Variants in ADCY8 observed in about 807,000 individuals in gnomAD.
ADCY8 encodes adenylate cyclase 8, also known as adenylate cyclase type 8.
ADCY8 carries 51 observed loss-of-function variants against 119.7 expected under a neutral mutation model. The observed-to-expected ratio is 0.43, with a 90% confidence interval of 0.34 to 0.54. The LOEUF (loss-of-function observed/expected upper bound fraction) is 0.54, where lower values mean the gene tolerates loss of function less well. Among genes scored for constraint, ADCY8 ranks in the 20% least tolerant of loss-of-function variants. ADCY8 has a pLI of 0.03. For synonymous variants in ADCY8, 665 were observed against 651.0 expected (o/e 1.02, Z -0.33); for missense variants, 1,383 against 1,598.8 (o/e 0.87, Z 2.30).
chr8:130,957,456 G>T lies in ADCY8; in HGVS notation c.1111-5458C>A, dbSNP rs191816701. Among the ~76,000 whole-genome samples, 40 of 152,296 alleles carry T rather than the reference G, an allele frequency of 2.6e-4. No individual in the cohort carries two copies. In the Middle Eastern group the frequency reaches 0.01, roughly 39 times the overall value. On this transcript the variant is annotated intron_variant, in intron 2 of 17. Coordinates refer to ENST00000286355, the MANE Select transcript of ADCY8 (RefSeq NM_001115.3). ...AAGGGAAGCAGAGCATAAAAGTTTG[G>T]AAAATTTGCAACTTGACGATGTGAT...
rs1337510315 is a variant in ADCY8, at chr8:130,840,015, T to C, written c.2503-3566A>G. On this transcript the variant is annotated intron_variant, in intron 11 of 17. Coordinates refer to ENST00000286355, the MANE Select transcript of ADCY8 (RefSeq NM_001115.3). The stretch of plus-strand genomic sequence containing the variant: ...TATACCCAATAAACTTAGCAAGATA[T>C]AAAAGTTGGACAACATTGTCTAGTT... Among the ~76,000 whole-genome samples the C allele has an allele frequency of 2.9e-5, 4 of 140,050 alleles. 2 individuals are homozygous for C. The highest frequency in any genetic ancestry group is 6.5e-5 in the Non-Finnish European group (4 of 61,944). The allele number at this position is 140,050 out of a possible 152,430, so 91.9% of individuals were successfully genotyped here. A position where few individuals can be genotyped will look rare whatever the true frequency, so the allele number is the denominator to read the frequency against.
chr8:130,791,065 C>T (rs1815409350), intron 15 of ADCY8, among the ~76,000 whole-genome samples: 3 of 152,206 alleles, frequency 2.0e-5, no homozygotes, highest in East Asian at 1.9e-4. Context: ...GGTTGGGTCT[C>T]CTCTGCTTTT....
At chr8:131,013,405 A>G (rs1823372563) in intron 1 of ADCY8, among the ~76,000 whole-genome samples, 1 of 152,176 alleles carries the variant, frequency 6.6e-6, no homozygotes, top group Non-Finnish European at 1.5e-5. Flanking sequence ...CTTTATGACC[A>G]AGCTTAAATT....
intron 4 of ADCY8, among the ~76,000 whole-genome samples, chr8:130,937,968 C>A: frequency 6.6e-6 from 1 of 152,220 alleles, no homozygotes; most frequent in African/African-American, 2.4e-5. Flanking sequence ...CTTAAAGACA[C>A]AACTCTTACA....
At chr8:130,800,342 A>T in intron 15 of ADCY8, 84 bp downstream of exon 15, 1 of 1,542,610 alleles carries the variant, frequency 6.5e-7, no homozygotes, top group Non-Finnish European at 8.8e-7. Flanking sequence ...AAAAAAAAAA[A>T]ATAAGTAATT....
In ADCY8 at chr8:130,803,938, G is replaced by A. The variant is rs188582665; in HGVS notation, c.2914-3366C>T. ...AGGCAGCTGATGACTGGCTAGGTAGGGCTGGGCAGGGTAGAAAGAGTGCAG... is the reference window on the plus strand; with the variant it reads ...AGGCAGCTGATGACTGGCTAGGTAGAGCTGGGCAGGGTAGAAAGAGTGCAG... On this transcript the variant is annotated intron_variant, in intron 14 of 17. Coordinates refer to ENST00000286355, the MANE Select transcript of ADCY8 (RefSeq NM_001115.3). 2.1e-4 allele frequency among the ~76,000 whole-genome samples: 32 copies of A among 152,328 alleles called. No individual in the cohort carries two copies. The East Asian group carries it at 6.0e-3, about 28-fold the overall frequency.
intron 1 of ADCY8, among the ~76,000 whole-genome samples, chr8:130,993,038 T>C (rs1822650295): frequency 6.6e-6 from 1 of 152,188 alleles, no homozygotes; most frequent in African/African-American, 2.4e-5. Flanking sequence ...TCTTCAGTTA[T>C]GATAAAGATT....
rs890511167 is a variant in ADCY8, at chr8:131,027,893, G to A, written c.960+11481C>T. On this transcript the variant is annotated intron_variant, in intron 1 of 17. Coordinates refer to ENST00000286355, the MANE Select transcript of ADCY8 (RefSeq NM_001115.3). ...TGAAAAACAAGACCTGGAGGAACCT[G>A]AGAAAGAAGAGTATGTAACCAGCAC... Among the ~76,000 whole-genome samples, 11 of 152,332 alleles carry A rather than the reference G, an allele frequency of 7.2e-5. No individual in the cohort carries two copies. In the East Asian group the frequency reaches 1.2e-3, roughly 16 times the overall value.
intron 13 of ADCY8, among the ~76,000 whole-genome samples, chr8:130,820,233 T>A (rs187815): frequency 0.83 from 126,406 of 152,102 alleles, 52,611 homozygotes; most frequent in East Asian, 0.91. Context: ...ATAACTTTAA[T>A]TATGTGTCTC....
intron 1 of ADCY8, among the ~76,000 whole-genome samples, chr8:131,008,600 G>A (rs1823200008): frequency 6.6e-6 from 1 of 152,156 alleles, no homozygotes; most frequent in African/African-American, 2.4e-5. Context: ...TCATAGTAGT[G>A]TGAGAACAGA....
chr8:130,985,974 A>AT (rs1822390924), intron 2 of ADCY8, among the ~76,000 whole-genome samples: 1 of 152,242 alleles, frequency 6.6e-6, no homozygotes, highest in African/African-American at 2.4e-5. Flanking sequence ...CATGATTACC[A>AT]TAAGGAGGTT....
intron 9 of ADCY8, among the ~76,000 whole-genome samples, chr8:130,852,766 G>C (rs895405123): frequency 9.2e-5 from 14 of 151,884 alleles, no homozygotes; most frequent in Admixed American, 3.3e-4. Flanking sequence ...GCACCCCATG[G>C]TCTGGACAAT....
At chr8:130,885,404 T>C (rs1017191964) in intron 7 of ADCY8, among the ~76,000 whole-genome samples, 6 of 152,084 alleles carry the variant, frequency 3.9e-5, no homozygotes, top group African/African-American at 1.4e-4. Context: ...AGGTAAAAAA[T>C]GCAAGCAACT....
intron 8 of ADCY8, among the ~76,000 whole-genome samples, chr8:130,879,020 A>C (rs1818667128): frequency 6.6e-6 from 1 of 152,198 alleles, no homozygotes; most frequent in African/African-American, 2.4e-5. Flanking sequence ...TAATGAAATA[A>C]TTCCAAATAA....
At chr8:131,032,850 C>G (rs1824036962) in intron 1 of ADCY8, among the ~76,000 whole-genome samples, 1 of 152,164 alleles carries the variant, frequency 6.6e-6, no homozygotes, top group South Asian at 2.1e-4. Flanking sequence ...TTGTGGCTGG[C>G]TGAAGCAGCA....
At chr8:130,883,569 TC>T (rs1818861851) in intron 8 of ADCY8, among the ~76,000 whole-genome samples, 1 of 152,104 alleles carries the variant, frequency 6.6e-6, no homozygotes, top group South Asian at 2.1e-4. Flanking sequence ...GGAAAGCAAA[TC>T]TCCCAGGCAG....
chr8:130,798,800 C>T (rs1165438063), intron 15 of ADCY8, among the ~76,000 whole-genome samples: 1 of 152,104 alleles, frequency 6.6e-6, no homozygotes, highest in Non-Finnish European at 1.5e-5. Context: ...TCTGCACGCC[C>T]ATGTTCATCT....
chr8:130,874,354 T>TAAATAAATAAATAAATAAAA (rs1300412408), intron 8 of ADCY8, among the ~76,000 whole-genome samples: 4 of 135,962 alleles, frequency 2.9e-5, no homozygotes, highest in Non-Finnish European at 6.5e-5. Context: ...AATAAATAAA[T>TAAATAAATAAATAAATAAAA]AAAATACACC....
At position 130,973,418 on chromosome 8, in the gene ADCY8, A is replaced by G. The variant is rs144963746; in HGVS notation, c.1110+16975T>C. On this transcript the variant is annotated intron_variant, in intron 2 of 17. Transcript: ENST00000286355. ...CAATGCTTGGAACCGTGAGACAACT[A>G]TATGAATGTACCTGCACTAGCTTGC... Among the ~76,000 whole-genome samples, 1,103 of 152,342 alleles carry G rather than the reference A, an allele frequency of 7.2e-3. 17 individuals are homozygous for G. Among genetic ancestry groups the G allele is most frequent in the African/African-American group, 0.025 (1,024 of 41,588 alleles).
Sources: gnomAD v4.1 joint callset for allele counts (sites outside exome capture counted in the v4.1 genomes callset) on GRCh38, gnomAD v4.1.1 for gene constraint, MANE v1.5 for transcripts, NCBI Gene and HGNC (gene_info 2026-07-23, HGNC 2026-07-21) for gene names.